Variants in RSRP1 observed in about 807,000 individuals in gnomAD.
RSRP1 encodes the protein arginine and serine rich protein 1, also known as arginine/serine-rich protein 1.
Under a neutral mutation model 33.0 loss-of-function variants are expected in RSRP1, and 37 were observed. That is an observed-to-expected ratio of 1.12 (90% CI 0.86 to 1.48). The LOEUF is 1.48. Ranked by LOEUF, RSRP1 falls within the 40% of genes most tolerant of loss-of-function variation. The pLI, the probability that RSRP1 is intolerant of heterozygous loss-of-function variation, is 0.00. For missense variants in RSRP1, 402 were observed against 385.3 expected (o/e 1.04, Z -0.36); for synonymous variants, 167 against 158.7 (o/e 1.05, Z -0.40).
intron 1 of RSRP1, among the ~76,000 whole-genome samples, chr1:25,287,612 C>G (rs1430270969): frequency 3.0e-5 from 4 of 135,278 alleles, no homozygotes; most frequent in African/African-American, 1.0e-4. Context: ...AGGGGAGGGG[C>G]CTATCTTATT....
Position 25,299,093 on chromosome 1 carries a change from A to C in RSRP1, c.-67+38885T>G, listed in dbSNP as rs1444759109. On this transcript the variant is annotated intron_variant, in intron 1 of 1. Coordinates refer to the RSRP1 transcript ENST00000561867. The stretch of plus-strand genomic sequence containing the variant: ...GTGATAAAAAAAAAAAAAAAAAAAA[A>C]AAAACAGGCTGGGAGCAGTGGCTCA... Among the ~76,000 whole-genome samples the C allele has an allele frequency of 6.3e-5, 8 of 126,642 alleles. No homozygotes were observed. In the South Asian group the frequency reaches 1.2e-3, roughly 19 times the overall value. The allele number at this position is 126,642 out of a possible 152,430, so 83.1% of individuals were successfully genotyped here.
intron 1 of RSRP1, among the ~76,000 whole-genome samples, chr1:25,306,148 T>G (rs28736785): frequency 0.02 from 2,615 of 131,578 alleles, 453 homozygotes; most frequent in African/African-American, 0.062. Context: ...GGGGACATCT[T>G]ACAATGTCTG....
intron 1 of RSRP1, among the ~76,000 whole-genome samples, chr1:25,309,887 CATTT>C (rs1644051196): frequency 7.5e-6 from 1 of 133,472 alleles, no homozygotes; most frequent in African/African-American, 2.5e-5. Context: ...CTGCTTCATT[CATTT>C]CTTTTTCCAG....
At chr1:25,322,736 A>T (rs1644783711) in intron 1 of RSRP1, among the ~76,000 whole-genome samples, 1 of 117,850 alleles carries the variant, frequency 8.5e-6, no homozygotes, top group South Asian at 2.7e-4. Flanking sequence ...ACAGAGAAAC[A>T]CCACACTTTG....
intron 3 of RSRP1, 45 bp from the exon 4 acceptor site, chr1:25,243,678 G>C (rs376802336): frequency 2.5e-6 from 4 of 1,603,760 alleles, no homozygotes; most frequent in Non-Finnish European, 3.4e-6. Flanking sequence ...ACATACCCTT[G>C]GTTTCTAAAT....
chr1:25,319,796 G>C (rs538386563), intron 1 of RSRP1, among the ~76,000 whole-genome samples: 1 of 132,894 alleles, frequency 7.5e-6, no homozygotes, highest in East Asian at 2.0e-4. Context: ...AGCCCAGGTA[G>C]ATTAGAAATA....
At chr1:25,274,732 C>T (rs536290695) in intron 1 of RSRP1, among the ~76,000 whole-genome samples, 3 of 133,896 alleles carry the variant, frequency 2.2e-5, no homozygotes, top group South Asian at 2.3e-4. Context: ...AAGGGCCGGG[C>T]GACGTGGCTC....
At chr1:25,267,560 G>C (rs1221995007) in intron 1 of RSRP1, among the ~76,000 whole-genome samples, 2 of 118,770 alleles carry the variant, frequency 1.7e-5, no homozygotes, top group East Asian at 4.1e-4. Flanking sequence ...CCCAGAGGTG[G>C]AGCTGCGGGG....
At position 25,276,235 on chromosome 1, in the gene RSRP1, A is replaced by C. The variant is rs766841949; in HGVS notation, c.-66-29206T>G. Among the ~76,000 whole-genome samples, 14 of 130,488 alleles carry C rather than the reference A, an allele frequency of 1.1e-4. 4 individuals are homozygous for C. Among genetic ancestry groups the C allele is most frequent in the Non-Finnish European group, 2.3e-4 (13 of 55,544 alleles). The allele number at this position is 130,488 out of a possible 152,430, so 85.6% of individuals were successfully genotyped here. A position where few individuals can be genotyped will look rare whatever the true frequency, so the allele number is the denominator to read the frequency against. On this transcript the variant is annotated intron_variant, in intron 1 of 1. Coordinates refer to the RSRP1 transcript ENST00000561867. ...AAGTCTCCATCTGTTAGAGAGGCAC[A>C]TTGAAATGGCATGATATCTGGGGTT... is the stretch of plus-strand genomic sequence containing the variant.
chr1:25,256,199 G>A (rs1049245594), intron 1 of RSRP1, among the ~76,000 whole-genome samples: 6 of 150,180 alleles, frequency 4.0e-5, no homozygotes, highest in Non-Finnish European at 5.9e-5. Context: ...CTGTTGTCCA[G>A]GCCGGAGTGC....
At chr1:25,319,388 G>A (rs1174766515) in intron 1 of RSRP1, among the ~76,000 whole-genome samples, 1 of 132,258 alleles carries the variant, frequency 7.6e-6, no homozygotes, top group Non-Finnish European at 1.8e-5. Flanking sequence ...AGCTGAGGTG[G>A]GAGAATAGCT....
chr1:25,251,602 C>T (rs1462125121), upstream of RSRP1, among the ~76,000 whole-genome samples: 2 of 152,142 alleles, frequency 1.3e-5, no homozygotes, highest in Non-Finnish European at 2.9e-5. Context: ...CTCCCAACCT[C>T]AGGTGATCCG....
At chr1:25,256,039 A>G (rs1274239046) in intron 1 of RSRP1, among the ~76,000 whole-genome samples, 1 of 152,176 alleles carries the variant, frequency 6.6e-6, no homozygotes, top group Non-Finnish European at 1.5e-5. Flanking sequence ...GGGCCAATAA[A>G]ACAAATGTGC....
intron 1 of RSRP1, among the ~76,000 whole-genome samples, chr1:25,315,658 G>A (rs1244903629): frequency 3.2e-5 from 4 of 126,736 alleles, no homozygotes; most frequent in African/African-American, 5.4e-5. Flanking sequence ...CACCACTCCC[G>A]GCTAATGTTT....
At chr1:25,303,216 G>C in intron 1 of RSRP1, 1 of 1,020,836 alleles carries the variant, frequency 9.8e-7, no homozygotes, top group Non-Finnish European at 1.5e-6. Context: ...AGCAAAGCAG[G>C]GAGGATGTTA....
chr1:25,272,717 G>A lies in RSRP1; in HGVS notation c.-66-25688C>T. ...CAAGGTGAGAGTTCATTGGAAAAGT[G>A]GTCACAGGAGCAAATAGCAGGGGCA... is the stretch of plus-strand genomic sequence containing the variant. On this transcript the variant is annotated intron_variant, in intron 1 of 1. Transcript: ENST00000561867. 3.6e-6 allele frequency: 5 copies of A among 1,379,546 alleles called. 1 individual carries two copies. The highest frequency in any genetic ancestry group is 5.1e-6 in the Non-Finnish European group (5 of 978,692). The allele number at this position is 1,379,546 out of a possible 1,614,324, so 85.5% of individuals were successfully genotyped here.
At chr1:25,305,736 G>T (rs1643770421) in intron 1 of RSRP1, among the ~76,000 whole-genome samples, 1 of 130,008 alleles carries the variant, frequency 7.7e-6, no homozygotes, top group Admixed American at 7.5e-5. Context: ...GAGTAGCTGG[G>T]TCTACAGGCG....
chr1:25,254,365 G>C (rs1391049615), intron 1 of RSRP1, among the ~76,000 whole-genome samples: 2 of 152,188 alleles, frequency 1.3e-5, no homozygotes, highest in Non-Finnish European at 2.9e-5. Context: ...GATGCTATCT[G>C]TAATATTCAC....
At position 25,282,770 on chromosome 1, in the gene RSRP1, T is replaced by G. The variant is rs1190975761; in HGVS notation, c.-66-35741A>C. ...AGCCAGGCGTGGTGGCGCGCGCCTGTGGTTCCCACTGAAGCACAGGAGGCT... is the reference window on the plus strand; with the variant it reads ...AGCCAGGCGTGGTGGCGCGCGCCTGGGGTTCCCACTGAAGCACAGGAGGCT... On this transcript the variant is annotated intron_variant, in intron 1 of 1. Transcript: ENST00000561867. Among the ~76,000 whole-genome samples the G allele has an allele frequency of 1.5e-5, 2 of 129,834 alleles. 1 individual carries two copies. Among genetic ancestry groups the G allele is most frequent in the Non-Finnish European group, 3.6e-5 (2 of 54,830 alleles). 85.2% of individuals were successfully genotyped at this position (129,834 alleles called of 152,430 possible).
Sources: gnomAD v4.1 joint callset for allele counts (sites outside exome capture counted in the v4.1 genomes callset) on GRCh38, gnomAD v4.1.1 for gene constraint, MANE v1.5 for transcripts, NCBI Gene and HGNC (gene_info 2026-07-23, HGNC 2026-07-21) for gene names.